The following LRP1B variants were observed in gnomAD, a reference collection of about 807,000 sequenced individuals.
The protein encoded by LRP1B is LDL receptor related protein 1B.
Under a neutral mutation model 556.6 loss-of-function variants are expected in LRP1B, and 217 were observed. The ratio of observed to expected loss-of-function variants is 0.39; its 90% CI spans 0.35 to 0.44. The LOEUF (loss-of-function observed/expected upper bound fraction) is 0.44, where lower values mean the gene tolerates loss of function less well. LRP1B is among the 20% of genes least tolerant of loss of function. The pLI is 1.00. For missense variants in LRP1B, 5,053 were observed against 5,620.8 expected (o/e 0.90, Z 3.23); for synonymous variants, 2,047 against 1,865.8 (o/e 1.10, Z -2.50).
intron 3 of LRP1B, among the ~76,000 whole-genome samples, chr2:141,432,224 C>T (rs897657024): frequency 2.0e-5 from 3 of 151,988 alleles, no homozygotes; most frequent in East Asian, 1.9e-4. Flanking sequence ...TCATATTTTA[C>T]CCTTTATTCT....
intron 16 of LRP1B, chr2:140,992,610 T>A (rs1208201595): frequency 6.6e-6 from 1 of 152,136 alleles, no homozygotes; most frequent in Admixed American, 6.6e-5. Flanking sequence ...AAACTCCTTG[T>A]TCTACTCCTT....
intron 7 of LRP1B, among the ~76,000 whole-genome samples, chr2:141,143,063 G>A (rs1330544404): frequency 6.6e-6 from 1 of 151,620 alleles, no homozygotes; most frequent in Non-Finnish European, 1.5e-5. Context: ...CGAGTAACTG[G>A]GATTACAGGC....
rs77794732 is a variant in LRP1B at position 140,475,138 on chromosome 2, C to A, written c.9625G>T (p.Val3209Phe). The A allele has an allele frequency of 1.3e-6, 2 of 1,550,978 alleles. No homozygotes were observed. The highest frequency in any genetic ancestry group is 1.7e-6 in the Non-Finnish European group (2 of 1,144,896). The stretch of plus-strand genomic sequence containing the variant: ...AGAATATTTATGTTACTGGACCAAC[C>A]TTTGTGTCTATGAGATCCATCCATG... ...SNMDGSHRHK[V>F]PNQDIPGVIA... Residue 3209 changes from valine (V) to phenylalanine (F), a missense_variant and splice_region_variant, in exon 60 of 91, where the codon GTC (valine) becomes TTC (phenylalanine). By Grantham distance (50) the Val-to-Phe change is conservative (BLOSUM62 -1). Around this residue, in one of 5 missense-constraint regions of LRP1B, gnomAD observed 262 missense variants for 395.1 expected, o/e 0.66. Transcript: ENST00000389484.
intron 6 of LRP1B, among the ~76,000 whole-genome samples, chr2:141,189,195 C>T (rs570876869): frequency 2.4e-4 from 37 of 152,040 alleles, no homozygotes; most frequent in Admixed American, 2.0e-3. Context: ...AAGAGTGCTG[C>T]CCAACAGCAC....
intron 3 of LRP1B, among the ~76,000 whole-genome samples, chr2:141,296,450 C>A (rs974903821): frequency 6.6e-6 from 1 of 152,178 alleles, no homozygotes. Context: ...ACTAAATAGG[C>A]AGTCTAACCC....
intron 14 of LRP1B, among the ~76,000 whole-genome samples, chr2:141,009,726 C>T (rs928001933): frequency 6.6e-6 from 1 of 151,756 alleles, no homozygotes; most frequent in African/African-American, 2.4e-5. Flanking sequence ...TAAAAGTAGT[C>T]AAGGGGAACT....
chr2:141,408,708 C>A (rs1690736599), intron 3 of LRP1B, among the ~76,000 whole-genome samples: 1 of 151,622 alleles, frequency 6.6e-6, no homozygotes, highest in Non-Finnish European at 1.5e-5. Context: ...ATGGGTTACT[C>A]TATTAAACAC....
At chr2:141,630,666 C>G (rs567255303) in intron 2 of LRP1B, among the ~76,000 whole-genome samples, 1 of 152,194 alleles carries the variant, frequency 6.6e-6, no homozygotes. Context: ...TTCAGCTTCA[C>G]AGTGAGTTTA....
At chr2:141,558,328 T>G (rs1218794745) in intron 2 of LRP1B, among the ~76,000 whole-genome samples, 2 of 151,774 alleles carry the variant, frequency 1.3e-5, no homozygotes, top group Non-Finnish European at 2.9e-5. Context: ...TCATCATTCG[T>G]CAGGCCTTAT....
chr2:141,620,575 T>A (rs1688471903), intron 2 of LRP1B, among the ~76,000 whole-genome samples: 1 of 152,184 alleles, frequency 6.6e-6, no homozygotes, highest in African/African-American at 2.4e-5. Context: ...TTTCTGTTAT[T>A]TTAGTGAGTC....
chr2:141,788,719 T>C (rs931759325), intron 2 of LRP1B, among the ~76,000 whole-genome samples: 15 of 138,888 alleles, frequency 1.1e-4, no homozygotes, highest in South Asian at 2.7e-4. Context: ...CTCTGGTGTG[T>C]GATGTTCCCC....
chr2:141,723,195 T>G (rs1336837946), intron 2 of LRP1B, among the ~76,000 whole-genome samples: 1 of 151,874 alleles, frequency 6.6e-6, no homozygotes, highest in Non-Finnish European at 1.5e-5. Context: ...TCATTATTGT[T>G]TTAGTTCATA....
intron 2 of LRP1B, among the ~76,000 whole-genome samples, chr2:141,493,086 C>A (rs1385142739): frequency 6.6e-6 from 1 of 152,042 alleles, no homozygotes; most frequent in African/African-American, 2.4e-5. Context: ...TTCACAATAA[C>A]ATCATGAGTT....
chr2:140,261,417 TATA>T (rs929708007), intron 86 of LRP1B, among the ~76,000 whole-genome samples: 9 of 151,888 alleles, frequency 5.9e-5, no homozygotes, highest in African/African-American at 2.2e-4. Context: ...TAACATTGGA[TATA>T]ATATTTCTAA....
At chr2:140,389,576 A>G (rs1221011564) in intron 66 of LRP1B, among the ~76,000 whole-genome samples, 1 of 150,888 alleles carries the variant, frequency 6.6e-6, no homozygotes, top group Non-Finnish European at 1.5e-5. Context: ...AAATTTATAT[A>G]TGATTTTTAT....
rs541129819 is a variant in LRP1B, at chr2:142,012,699, C to T, written c.82+117949G>A. The stretch of plus-strand genomic sequence containing the variant: ...ACTACACTGCTTATATTTACTAAAA[C>T]TGTTATTTATTTACCTTACTGCATG... On this transcript the variant is annotated intron_variant, in intron 1 of 90. Coordinates refer to ENST00000389484, the MANE Select transcript of LRP1B (RefSeq NM_018557.3). 4.4e-4 allele frequency among the ~76,000 whole-genome samples: 67 copies of T among 152,208 alleles called. 3 individuals carry two copies. The South Asian group carries it at 0.014, about 31-fold the overall frequency.
At chr2:140,813,601 A>G in intron 32 of LRP1B, 56 bp downstream of exon 32, 2 of 1,534,598 alleles carry the variant, frequency 1.3e-6, no homozygotes, top group Non-Finnish European at 1.8e-6. Flanking sequence ...ACAGGTCATA[A>G]TAAATCAACC....
chr2:141,113,061 G>A (rs1318993058), intron 7 of LRP1B, among the ~76,000 whole-genome samples: 1 of 152,006 alleles, frequency 6.6e-6, no homozygotes, highest in Non-Finnish European at 1.5e-5. Context: ...CTAGCTCTGT[G>A]GACAAACCTT....
chr2:141,071,204 C>T (rs6732151), intron 7 of LRP1B, among the ~76,000 whole-genome samples: 88,232 of 146,220 alleles, frequency 0.6, 26,911 homozygotes, highest in Middle Eastern at 0.72. Flanking sequence ...GTTCAATATA[C>T]GCAAATCAAT....
Sources: gnomAD v4.1 joint callset for allele counts (sites outside exome capture counted in the v4.1 genomes callset) on GRCh38, gnomAD v4.1.1 for gene constraint, gnomAD v4.1.1 regional missense constraint, MANE v1.5 for transcripts, NCBI Gene and HGNC (gene_info 2026-07-23, HGNC 2026-07-21) for gene names.